PI4KA: variants seen among roughly 807,000 people sequenced by gnomAD.
PI4KA encodes PI4-kinase alpha.
A neutral mutation model predicts 271.4 loss-of-function variants in PI4KA; 122 were observed. The observed-to-expected ratio is 0.45, with a 90% CI of 0.39 to 0.52. PI4KA has a LOEUF of 0.52. Among genes scored for constraint, PI4KA ranks in the 20% least tolerant of loss-of-function variants. The pLI is 0.00. For synonymous variants in PI4KA, 1,041 were observed against 1,078.8 expected (o/e 0.96, Z 0.69); for missense variants, 1,969 against 2,769.1 (o/e 0.71, Z 6.48).
At position 20,805,298 on chromosome 22, in the gene PI4KA, G is replaced by A. The variant is rs1935588009; in HGVS notation, c.1169-133C>T. 2.6e-5 allele frequency: 16 copies of A among 618,674 alleles called. No individual in the cohort carries two copies. The South Asian group carries it at 3.2e-4, about 12-fold the overall frequency. 38.3% of individuals were successfully genotyped at this position (618,674 alleles called of 1,614,324 possible). A position where few individuals can be genotyped will look rare whatever the true frequency, so the allele number is the denominator to read the frequency against. On this transcript the variant is annotated intron_variant, in intron 10 of 54. Transcript: ENST00000255882. Reference sequence around the variant, plus strand: ...TAGCATTTGCTACTGGCCACTGTGGGTCCTAGAATGCCCACTGGAAAGAAG... The same window carrying A: ...TAGCATTTGCTACTGGCCACTGTGGATCCTAGAATGCCCACTGGAAAGAAG...
At chr22:20,726,890 G>A (rs1310801378) in intron 41 of PI4KA, among the ~76,000 whole-genome samples, 1 of 151,956 alleles carries the variant, frequency 6.6e-6, no homozygotes, top group Non-Finnish European at 1.5e-5. Flanking sequence ...AAGGAGTGAG[G>A]GACCCTCCAC....
intron 5 of PI4KA, 116 bp downstream of exon 5, chr22:20,820,423 G>A: frequency 1.4e-6 from 1 of 701,060 alleles, no homozygotes; most frequent in Non-Finnish European, 2.5e-6. Flanking sequence ...AACTAAAATA[G>A]GAAGGTTTTC....
chr22:20,789,220 A>G (rs1374607686), intron 19 of PI4KA, among the ~76,000 whole-genome samples: 1 of 152,224 alleles, frequency 6.6e-6, no homozygotes, highest in South Asian at 2.1e-4. Context: ...TCTGTGCCTC[A>G]GTATCCTCAT....
rs1255478482 is a variant in PI4KA at position 20,848,469 on chromosome 22, TAAA to T, written c.157-9741_157-9739del. Among the ~76,000 whole-genome samples the T allele has an allele frequency of 4.7e-4, 72 of 152,210 alleles. 1 individual carries two copies. In the East Asian group the frequency reaches 0.012, roughly 26 times the overall value. ...CCAATTTCAAAACTTACTACAAAGCTAAAGTAATCAAGACAGTATACTAGCCAA... is the reference window on the plus strand; with the variant it reads ...CCAATTTCAAAACTTACTACAAAGCTGTAATCAAGACAGTATACTAGCCAA... On this transcript the variant is annotated intron_variant, in intron 1 of 54. Transcript: ENST00000255882.
chr22:20,844,860 G>A (rs1234707786), intron 1 of PI4KA, among the ~76,000 whole-genome samples: 1 of 152,004 alleles, frequency 6.6e-6, no homozygotes, highest in Non-Finnish European at 1.5e-5. Context: ...CCTAATGCAG[G>A]ATAAAGCATT....
Position 20,712,051 on chromosome 22 carries a change from G to A in PI4KA, c.5802+435C>T, listed in dbSNP as rs186670756. On this transcript the variant is annotated intron_variant, in intron 50 of 54. Coordinates refer to ENST00000255882, the MANE Select transcript of PI4KA (RefSeq NM_058004.4). ...AGCACTGCGCCCGGCCAGGTGCCCT[G>A]GTTTTTTTGTGTTTTTTTTTTTTTG... 6.5e-3 allele frequency among the ~76,000 whole-genome samples: 949 copies of A among 145,154 alleles called. 15 individuals are homozygous for A. Among genetic ancestry groups the A allele is most frequent in the African/African-American group, 0.023 (913 of 39,060 alleles).
At chr22:20,731,001 A>T (rs1458607269) in intron 36 of PI4KA, among the ~76,000 whole-genome samples, 2 of 151,942 alleles carry the variant, frequency 1.3e-5, no homozygotes, top group African/African-American at 4.8e-5. Context: ...ACAAGGCAAG[A>T]CGCCCTATCT....
chr22:20,738,504 G>A (rs1360192024), intron 32 of PI4KA, among the ~76,000 whole-genome samples: 8 of 152,296 alleles, frequency 5.3e-5, no homozygotes, highest in East Asian at 1.9e-4. Context: ...CTGTTCCCAC[G>A]CTGAGATGCG....
chr22:20,720,025 CAAAAAAAAA>C (rs869149471), intron 43 of PI4KA, among the ~76,000 whole-genome samples: 3 of 35,390 alleles, frequency 8.5e-5, no homozygotes, highest in Middle Eastern at 0.038. Flanking sequence ...GACTCTGTCT[CAAAAAAAAA>C]AAAAAAAAAA....
intron 19 of PI4KA, among the ~76,000 whole-genome samples, chr22:20,785,667 C>T (rs110374): frequency 0.46 from 69,509 of 151,852 alleles, 16,497 homozygotes; most frequent in African/African-American, 0.57. Context: ...AAACCAAATG[C>T]CTAAAATTGG....
chr22:20,819,398 C>T (rs972534102), intron 6 of PI4KA, among the ~76,000 whole-genome samples: 3 of 149,838 alleles, frequency 2.0e-5, no homozygotes, highest in Non-Finnish European at 3.0e-5. Context: ...TTTTTAGAGG[C>T]CTTTTGTGGC....
chr22:20,742,147 G>T, intron 32 of PI4KA, 81 bp downstream of exon 32: 1 of 1,448,490 alleles, frequency 6.9e-7, no homozygotes, highest in Non-Finnish European at 9.5e-7. Context: ...CTCCATGCTT[G>T]GTGGTGGCGG....
At chr22:20,776,494 T>C (rs186961951) in intron 19 of PI4KA, among the ~76,000 whole-genome samples, 2 of 152,292 alleles carry the variant, frequency 1.3e-5, no homozygotes, top group African/African-American at 2.4e-5. Context: ...TTCAAAAGTC[T>C]TTCTTAGTTG....
At chr22:20,824,989 G>A (rs1006951832) in intron 3 of PI4KA, among the ~76,000 whole-genome samples, 2 of 147,076 alleles carry the variant, frequency 1.4e-5, no homozygotes, top group East Asian at 2.0e-4. Flanking sequence ...AGAATAGCTC[G>A]AAGCCAGGAA....
intron 32 of PI4KA, among the ~76,000 whole-genome samples, chr22:20,738,036 T>C (rs964433615): frequency 7.9e-5 from 12 of 152,156 alleles, no homozygotes; most frequent in Non-Finnish European, 1.3e-4. Context: ...CAATTTGTGG[T>C]GAAACCAGGG....
At chr22:20,761,866 T>C (rs956016296) in intron 22 of PI4KA, among the ~76,000 whole-genome samples, 10 of 151,984 alleles carry the variant, frequency 6.6e-5, no homozygotes, top group African/African-American at 1.9e-4. Flanking sequence ...CCTAAAGGTC[T>C]GTCTTTGCAT....
chr22:20,819,936 A>G, intron 5 of PI4KA, 36 bp from the exon 6 acceptor site: 9 of 1,577,484 alleles, frequency 5.7e-6, no homozygotes, highest in Non-Finnish European at 7.8e-6. Flanking sequence ...AATATAAGAA[A>G]GTATCCTGAT....
intron 4 of PI4KA, among the ~76,000 whole-genome samples, 179 bp downstream of exon 4, chr22:20,824,147 G>A (rs368115442): frequency 1.3e-5 from 2 of 151,006 alleles, no homozygotes; most frequent in African/African-American, 2.4e-5. Context: ...GATAAGACTC[G>A]AGATCCTAAA....
intron 24 of PI4KA, 33 bp from the exon 25 acceptor site, chr22:20,753,060 C>T: frequency 6.2e-7 from 1 of 1,614,194 alleles, no homozygotes. Context: ...TACCGCAGTG[C>T]CCCAGATGCC....
Sources: allele counts gnomAD v4.1 joint callset (sites outside exome capture counted in the v4.1 genomes callset), GRCh38; gene constraint gnomAD v4.1.1; transcripts MANE v1.5; gene names NCBI Gene and HGNC (gene_info 2026-07-23, HGNC 2026-07-21).